The following MCM7 variants were observed in gnomAD, a reference collection of about 807,000 sequenced individuals.
MCM7 encodes minichromosome maintenance complex component 7, also known as DNA replication licensing factor MCM7.
MCM7 carries 95 observed loss-of-function variants against 83.5 expected under a neutral mutation model. The observed-to-expected ratio is 1.14, with a 90% CI of 0.96 to 1.35. The LOEUF (loss-of-function observed/expected upper bound fraction) is 1.35. Ranked by LOEUF, MCM7 falls within the 40% of genes most tolerant of loss-of-function variation. The pLI is 0.00. For synonymous variants in MCM7, 461 were observed against 352.7 expected (o/e 1.31, Z -3.44); for missense variants, 1,087 against 957.4 (o/e 1.14, Z -1.79).
Position 100,097,745 on chromosome 7 carries a change from T to A in MCM7, c.986A>T (p.Glu329Val), listed in dbSNP as rs1296508100. 6.2e-7 allele frequency: 1 copy of A among 1,614,160 alleles called. No individual in the cohort carries two copies. Among genetic ancestry groups the A allele is most frequent in the Non-Finnish European group, 8.5e-7 (1 of 1,180,038 alleles). The change falls in exon 9 of 15, where the codon GAG becomes GTG. Residue 329 changes from glutamate (E) to valine (V), a missense_variant and splice_region_variant. By Grantham distance (121) the Glu-to-Val change is moderately radical (BLOSUM62 -2). Transcript: ENST00000303887. Reference sequence around the variant, plus strand: ...TGCCAGCTTTTCGTAGAAATCCTCCTCTGTAGAGAAGTTAAGGTTGTTTTA... The same window carrying A: ...TGCCAGCTTTTCGTAGAAATCCTCCACTGTAGAGAAGTTAAGGTTGTTTTA... ...LTREELRQIA[E>V]EDFYEKLAAS...
At position 100,097,839 on chromosome 7, in the gene MCM7, A is replaced by G. The variant is rs150842015; in HGVS notation, c.980T>C (p.Ile327Thr). The G allele has an allele frequency of 9.9e-6, 16 of 1,613,918 alleles. No homozygotes were observed. The highest frequency in any genetic ancestry group is 2.7e-5 in the African/African-American group (2 of 74,860). ...GELTREELRQ[I>T]AEEDFYEKLA... ...CTCTCTCCCCTGCCCCTCACCTGCA[A>G]TTTGCCTCAGCTCCTCCCTGGTGAG... is the stretch of plus-strand genomic sequence containing the variant. Residue 327 changes from isoleucine (I) to threonine (T), a missense_variant, in exon 8 of 15, where the codon ATT becomes ACT. Transcript: ENST00000303887.
chr7:100,101,171 G>A (rs1412380668), intron 1 of MCM7, 93 bp downstream of exon 1: 5 of 1,530,050 alleles, frequency 3.3e-6, no homozygotes, highest in Non-Finnish European at 3.6e-6. Flanking sequence ...AGAACCCGCC[G>A]ACCCCGGTCC....
intron 10 of MCM7, 127 bp from the exon 11 acceptor site, chr7:100,096,294 T>C (rs1795633372): frequency 6.6e-6 from 6 of 912,610 alleles, no homozygotes; most frequent in Admixed American, 3.0e-5. Flanking sequence ...CCAGGCCTTC[T>C]TGAGATGCCC....
rs1795801261 is a variant in MCM7, at chr7:100,099,171, T to G, written c.434A>C (p.Lys145Thr). The G allele has an allele frequency of 5.0e-6, 8 of 1,614,060 alleles. No homozygotes were observed. Among genetic ancestry groups the G allele is most frequent in the Non-Finnish European group, 6.8e-6 (8 of 1,180,004 alleles). ...ELYFQGPSSN[K>T]PRVIREVRAD... ...CCGCACTTCCCGGATCACACGAGGCTTGTTGCTGCTAGGGCCTTGAAAATA... is the reference window on the plus strand; with the variant it reads ...CCGCACTTCCCGGATCACACGAGGCGTGTTGCTGCTAGGGCCTTGAAAATA... The change falls in exon 5 of 15, where the codon AAG becomes ACG. Residue 145 changes from lysine (K) to threonine (T), a missense_variant. Coordinates refer to ENST00000303887, the MANE Select transcript of MCM7 (RefSeq NM_005916.5).
Position 100,100,113 on chromosome 7 carries a change from A to AC in MCM7, c.32-21dup, listed in dbSNP as rs1275643483. On this transcript the variant is annotated intron_variant, in intron 1 of 14. Transcript: ENST00000303887. The stretch of plus-strand genomic sequence containing the variant: ...CCTTTTCTGTAACATGAAATGTAAA[A>AC]CCGTAAGACACAAACTTTAAGACAA... The AC allele has an allele frequency of 6.2e-7, 1 of 1,612,762 alleles. No homozygotes were observed. The highest frequency in any genetic ancestry group is 8.5e-7 in the Non-Finnish European group (1 of 1,179,302).
chr7:100,100,227 A>G (rs565058451), intron 1 of MCM7, 134 bp from the exon 2 acceptor site: 1 of 1,438,926 alleles, frequency 6.9e-7, no homozygotes, highest in East Asian at 2.6e-5. Flanking sequence ...GTCTCCCCAA[A>G]GTGGGCATAA....
chr7:100,095,350 A>C (rs1280892610), intron 12 of MCM7, 37 bp downstream of exon 12: 1 of 1,583,404 alleles, frequency 6.3e-7, no homozygotes, highest in Admixed American at 1.8e-5. Flanking sequence ...CGCACGGCCC[A>C]CGCCAACGTT....
At chr7:100,098,529 C>T in intron 6 of MCM7, 49 bp downstream of exon 6, 1 of 1,609,944 alleles carries the variant, frequency 6.2e-7, no homozygotes, top group Non-Finnish European at 8.5e-7. Flanking sequence ...CTACAGGATT[C>T]AAGTGGACTC....
At chr7:100,100,303 T>G (rs1434703583) in intron 1 of MCM7, 2 of 1,303,750 alleles carry the variant, frequency 1.5e-6, no homozygotes, top group Admixed American at 3.5e-5. Flanking sequence ...CACAGGGCCA[T>G]CCAACATCTC....
chr7:100,099,854 G>A (rs957815111), intron 2 of MCM7, 101 bp from the exon 3 acceptor site: 36 of 1,518,024 alleles, frequency 2.4e-5, no homozygotes, highest in Middle Eastern at 1.7e-4. Flanking sequence ...CACAGGCTCT[G>A]GGCATCCACA....
In MCM7 at chr7:100,099,014, C is replaced by T. The variant is rs764602915; in HGVS notation, c.582+9G>A. The stretch of plus-strand genomic sequence containing the variant: ...GTAAGTGCTTTCCTGCTTCTTGCTC[C>T]ACACGTACCGGCTGGTAGGTCTCTG... On this transcript the variant is annotated intron_variant, in intron 5 of 14. Transcript: ENST00000303887. The T allele has an allele frequency of 1.9e-6, 3 of 1,613,894 alleles. No individual in the cohort carries two copies. The South Asian group carries it at 3.3e-5, about 18-fold the overall frequency.
In MCM7 at chr7:100,097,708, G is replaced by T; in HGVS notation, c.1023C>A (p.Ala341=). The T allele has an allele frequency of 6.2e-7, 1 of 1,614,188 alleles. No homozygotes were observed. Among genetic ancestry groups the T allele is most frequent in the Non-Finnish European group, 8.5e-7 (1 of 1,180,042 alleles). Residue 341 remains alanine (A), a synonymous_variant, in exon 9 of 15, where the codon GCC becomes GCA. Coordinates refer to ENST00000303887, the MANE Select transcript of MCM7 (RefSeq NM_005916.5). ...DFYEKLAASI[A]PEIYGHEDVK... ...CATCTTCATGCCCGTATATTTCTGG[G>T]GCGATTGAAGCTGCCAGCTTTTCGT... is the stretch of plus-strand genomic sequence containing the variant.
At chr7:100,100,466 C>CCTCCGCCACCGCA (rs989361783) in intron 1 of MCM7, 16 of 996,028 alleles carry the variant, frequency 1.6e-5, no homozygotes, top group Non-Finnish European at 1.9e-5. Flanking sequence ...TTCACCGGGA[C>CCTCCGCCACCGCA]CTCCGCCACC....
chr7:100,093,033 G>T lies in MCM7; in HGVS notation c.2059C>A (p.Arg687Ser), dbSNP rs146568179. ...TGGAACTGGGCGGGTGTGAAGCCACGAGATACACAGCGCTGCTCTGCCTCA... is the reference window on the plus strand; with the variant it reads ...TGGAACTGGGCGGGTGTGAAGCCACTAGATACACAGCGCTGCTCTGCCTCA... Reference protein sequence around the residue: ...FSEAEQRCVSRGFTPAQFQAA... With the variant: ...FSEAEQRCVSSGFTPAQFQAA... Residue 687 changes from arginine to serine, a missense_variant, in exon 15 of 15, where the codon CGT becomes AGT. Coordinates refer to ENST00000303887, the MANE Select transcript of MCM7 (RefSeq NM_005916.5). 1 of 1,614,116 alleles carries T rather than the reference G, an allele frequency of 6.2e-7. No homozygotes were observed. The highest frequency in any genetic ancestry group is 8.5e-7 in the Non-Finnish European group (1 of 1,180,046).
At chr7:100,100,766 C>T in intron 1 of MCM7, 1 of 992,510 alleles carries the variant, frequency 1.0e-6, no homozygotes. Context: ...CTCCCTCCAG[C>T]CTCCTCGCGC....
At chr7:100,101,065 C>T (rs1473133404) in intron 1 of MCM7, 199 bp downstream of exon 1, 6 of 739,986 alleles carry the variant, frequency 8.1e-6, no homozygotes, top group African/African-American at 5.3e-5. Context: ...GGATTACTAG[C>T]TTTTCTTCAA....
chr7:100,098,427 C>T, intron 6 of MCM7, 137 bp from the exon 7 acceptor site: 1 of 1,486,360 alleles, frequency 6.7e-7, no homozygotes, highest in East Asian at 2.3e-5. Flanking sequence ...GACCTCCTTT[C>T]CCCTTCCCAA....
At chr7:100,096,765 C>T (rs919871793) in intron 10 of MCM7, among the ~76,000 whole-genome samples, 1 of 151,402 alleles carries the variant, frequency 6.6e-6, no homozygotes, top group African/African-American at 2.4e-5. Context: ...ACTGAGACTC[C>T]GTCTCAAAAA....
At chr7:100,101,094 C>G (rs1795996137) in intron 1 of MCM7, 170 bp downstream of exon 1, 3 of 804,106 alleles carry the variant, frequency 3.7e-6, no homozygotes, top group Non-Finnish European at 5.8e-6. Flanking sequence ...GCCCCCCGCA[C>G]GCTTCCCAGG....
Sources: allele counts gnomAD v4.1 joint callset (sites outside exome capture counted in the v4.1 genomes callset), GRCh38; gene constraint gnomAD v4.1.1; transcripts MANE v1.5; gene names NCBI Gene and HGNC (gene_info 2026-07-23, HGNC 2026-07-21).